ADCY9: variants seen among roughly 807,000 people sequenced by gnomAD.
The protein encoded by ADCY9 is adenylate cyclase type 9.
Under a neutral mutation model 101.5 loss-of-function variants are expected in ADCY9, and 50 were observed. That is an observed-to-expected ratio of 0.49 (90% CI 0.39 to 0.62). The LOEUF is 0.62. Ranked by LOEUF, ADCY9 falls within the 20% of genes least tolerant of loss-of-function variation. The pLI, the probability that ADCY9 is intolerant of heterozygous loss-of-function variation, is 0.00. For missense variants in ADCY9, 1,662 were observed against 1,800.4 expected, an observed-to-expected ratio of 0.92 and a Z score of 1.39; for synonymous variants, 905 against 769.3, an observed-to-expected ratio of 1.18 and a Z score of -2.92.
At chr16:3,972,938 G>A (rs566898834) in intron 10 of ADCY9, among the ~76,000 whole-genome samples, 6 of 152,148 alleles carry the variant, frequency 3.9e-5, no homozygotes, top group Non-Finnish European at 8.8e-5. Context: ...TCAATAAAAG[G>A]TTAAAAAAAG....
rs141519764 is a variant in ADCY9, at chr16:3,966,931, C to T, written c.2906G>A (p.Arg969His). ...GAGGCTGGCGGGCCGCCGGAGGTCA[C>T]GCGGCACCGAACTATTGCACGGGTT... ...ERNPCNSSVP[R>H]DLRRPASLIG... is the part of the protein sequence containing the mutation. Residue 969 changes from arginine to histidine, a missense_variant, in exon 11 of 11, where the codon CGT becomes CAT. Transcript: ENST00000294016. The T allele has an allele frequency of 4.1e-3, 6,609 of 1,613,608 alleles. 29 individuals are homozygous for T. The highest frequency in any genetic ancestry group is 4.9e-3 in the Non-Finnish European group (5,761 of 1,179,942).
At chr16:3,998,734 AAGAAAAGAAAGAAAG>A (rs2056307329) in intron 3 of ADCY9, among the ~76,000 whole-genome samples, 16 of 126,418 alleles carry the variant, frequency 1.3e-4, no homozygotes, top group Admixed American at 3.5e-4. Context: ...AAAAAAAAAA[AAGAAAAGAAAGAAAG>A]AAAGAAAAGA....
chr16:4,103,816 G>C (rs1414207460), intron 2 of ADCY9, among the ~76,000 whole-genome samples: 1 of 152,152 alleles, frequency 6.6e-6, no homozygotes, highest in Non-Finnish European at 1.5e-5. Context: ...GGGCGACAGA[G>C]CGAGACTCTG....
At chr16:3,956,878 T>G (rs1475139935) in intron 5 of ADCY9, among the ~76,000 whole-genome samples, 2 of 152,142 alleles carry the variant, frequency 1.3e-5, no homozygotes. Flanking sequence ...TTGGTTACTC[T>G]GTAGACACCG....
intron 2 of ADCY9, chr16:4,032,115 C>G (rs1366995474): frequency 6.6e-6 from 1 of 151,702 alleles, no homozygotes; most frequent in Non-Finnish European, 1.5e-5. Flanking sequence ...ATGGTGAAAC[C>G]CCATCTCTAC....
At chr16:4,057,050 C>G (rs61042195) in intron 2 of ADCY9, among the ~76,000 whole-genome samples, 46,622 of 135,062 alleles carry the variant, frequency 0.35, 10,706 homozygotes, top group South Asian at 0.55. Flanking sequence ...CCCCCCCCCC[C>G]CCGCCAATCT....
rs566270203 is a variant in ADCY9 at position 3,992,453 on chromosome 16, C to T, written c.1990-90G>A. The T allele has an allele frequency of 2.4e-5, 29 of 1,185,618 alleles. No homozygotes were observed. Among genetic ancestry groups the T allele is most frequent in the Admixed American group, 1.1e-4 (5 of 46,798 alleles). The allele number at this position is 1,185,618 out of a possible 1,614,324, so 73.4% of individuals were successfully genotyped here. On this transcript the variant is annotated intron_variant, in intron 4 of 10. Transcript: ENST00000294016. This position sits in a 1 kb window ranked among gnomAD's most constrained non-coding sequence, Gnocchi z 4.2. ...GCCTGTCCCACCCCGACCTCCGCTG[C>T]GGGGCGCTGCTGCACTGGGCGTGGG...
intron 2 of ADCY9, among the ~76,000 whole-genome samples, chr16:4,106,376 ATG>A (rs1161256786): frequency 2.6e-5 from 4 of 152,080 alleles, no homozygotes; most frequent in Admixed American, 2.6e-4. Flanking sequence ...CCACCCTCTG[ATG>A]CAGCCCAGTC....
chr16:4,023,926 T>G (rs149649617), intron 2 of ADCY9, among the ~76,000 whole-genome samples: 3 of 151,978 alleles, frequency 2.0e-5, no homozygotes, highest in Non-Finnish European at 4.4e-5. Flanking sequence ...ACAAGAGGCA[T>G]CTGACTTACA....
chr16:4,010,480 T>G (rs1290262081), intron 2 of ADCY9, among the ~76,000 whole-genome samples: 3 of 152,254 alleles, frequency 2.0e-5, no homozygotes, highest in Non-Finnish European at 1.5e-5. Context: ...CTGCTGTTGC[T>G]TTTTTGTACT....
chr16:4,058,807 C>T (rs1378398736), intron 2 of ADCY9, among the ~76,000 whole-genome samples: 1 of 152,166 alleles, frequency 6.6e-6, no homozygotes, highest in Admixed American at 6.5e-5. Context: ...CAGGAAAGGG[C>T]TCCTCATCTC....
At chr16:4,016,406 C>T (rs1309162043) in intron 2 of ADCY9, among the ~76,000 whole-genome samples, 1 of 152,142 alleles carries the variant, frequency 6.6e-6, no homozygotes, top group African/African-American at 2.4e-5. Context: ...GCACCAAATG[C>T]ACCAGATGCC....
intron 2 of ADCY9, among the ~76,000 whole-genome samples, chr16:4,043,671 C>A (rs2056643167): frequency 6.6e-6 from 1 of 152,116 alleles, no homozygotes. Context: ...ACCTGAGCAA[C>A]AGAGCAAGAC....
At position 4,101,959 on chromosome 16, in the gene ADCY9, G is replaced by A. The variant is rs2057045898; in HGVS notation, c.1693+11791C>T. Among the ~76,000 whole-genome samples the A allele has an allele frequency of 4.6e-5, 7 of 152,276 alleles. No homozygotes were observed. The Middle Eastern group carries it at 0.017, about 370-fold the overall frequency. ...GGCAGCTAGAGTTTAACCAGGGCGA[G>A]CTATCAGTATTTTGTATTTTGGACA... On this transcript the variant is annotated intron_variant, in intron 2 of 10. Transcript: ENST00000294016.
intron 2 of ADCY9, among the ~76,000 whole-genome samples, chr16:4,032,509 C>T (rs1017624744): frequency 1.7e-5 from 2 of 121,034 alleles, no homozygotes; most frequent in Non-Finnish European, 3.7e-5. Context: ...CTATATCACA[C>T]AATTTTTTTT....
In ADCY9 at chr16:4,023,990, C is replaced by G. The variant is rs113075038; in HGVS notation, c.1694-16432G>C. ...GTTTTAAGTAAGACAGCACACAGTT[C>G]GATTCTTTCTTATTTTGCATTTTAA... On this transcript the variant is annotated intron_variant, in intron 2 of 10. Coordinates refer to ENST00000294016, the MANE Select transcript of ADCY9 (RefSeq NM_001116.4). 4.0e-3 allele frequency among the ~76,000 whole-genome samples: 603 copies of G among 152,128 alleles called. 2 individuals carry two copies. Among genetic ancestry groups the G allele is most frequent in the African/African-American group, 0.014 (577 of 41,496 alleles).
chr16:4,007,621 C>CA, intron 2 of ADCY9, 63 bp from the exon 3 acceptor site: 1 of 1,408,336 alleles, frequency 7.1e-7, no homozygotes, highest in Non-Finnish European at 9.7e-7. Flanking sequence ...AACGCAGCTC[C>CA]GTCTTGCTCT....
At chr16:4,095,202 C>CCAT (rs1394742266) in intron 2 of ADCY9, among the ~76,000 whole-genome samples, 2 of 128,198 alleles carry the variant, frequency 1.6e-5, no homozygotes, top group Non-Finnish European at 3.4e-5. Context: ...GGGTTTCGGA[C>CCAT]GTTGGCCAGG....
chr16:4,102,482 G>A (rs1330521066), intron 2 of ADCY9, among the ~76,000 whole-genome samples: 1 of 152,216 alleles, frequency 6.6e-6, no homozygotes, highest in African/African-American at 2.4e-5. Flanking sequence ...CTAGAGAGCA[G>A]TGGCATGATC....
Sources: allele counts gnomAD v4.1 joint callset (sites outside exome capture counted in the v4.1 genomes callset), GRCh38; gene constraint gnomAD v4.1.1; non-coding constraint Gnocchi (gnomAD v3.1); transcripts MANE v1.5; gene names NCBI Gene and HGNC (gene_info 2026-07-23, HGNC 2026-07-21).